CTNNA3: variants seen among roughly 807,000 people sequenced by gnomAD.
CTNNA3 encodes catenin alpha 3, also known as catenin alpha-3.
A neutral mutation model predicts 95.7 loss-of-function variants in CTNNA3; 76 were observed. The ratio of observed to expected loss-of-function variants is 0.79; its 90% CI spans 0.66 to 0.96. The LOEUF is 0.96. CTNNA3 is among the 40% of genes least tolerant of loss of function. CTNNA3 has a pLI of 0.00. For missense variants in CTNNA3, 1,191 were observed against 1,089.8 expected, an observed-to-expected ratio of 1.09 and a Z score of -1.31; for synonymous variants, 431 against 374.4, an observed-to-expected ratio of 1.15 and a Z score of -1.74.
intron 13 of CTNNA3, among the ~76,000 whole-genome samples, chr10:66,217,202 A>C (rs2131967738): frequency 6.6e-6 from 1 of 152,138 alleles, no homozygotes; most frequent in Non-Finnish European, 1.5e-5. Flanking sequence ...AAAAATACAA[A>C]AATTAGCTGG....
chr10:67,091,177 C>T (rs1308898244), intron 7 of CTNNA3, among the ~76,000 whole-genome samples: 2 of 151,844 alleles, frequency 1.3e-5, no homozygotes, highest in African/African-American at 4.8e-5. Context: ...TTGCGCATAC[C>T]TTAGCAAAAC....
At chr10:66,349,458 G>C (rs1564888022) in intron 12 of CTNNA3, among the ~76,000 whole-genome samples, 1 of 152,044 alleles carries the variant, frequency 6.6e-6, no homozygotes, top group Non-Finnish European at 1.5e-5. Context: ...TGAGAACTTT[G>C]TTGAAATATT....
intron 3 of CTNNA3, among the ~76,000 whole-genome samples, chr10:67,544,562 T>C (rs1472045568): frequency 6.6e-6 from 1 of 152,150 alleles, no homozygotes; most frequent in East Asian, 1.9e-4. Context: ...GAAAGAACAC[T>C]GATAATCTGC....
intron 13 of CTNNA3, among the ~76,000 whole-genome samples, chr10:66,187,818 T>C (rs1346097239): frequency 6.6e-6 from 1 of 151,904 alleles, no homozygotes; most frequent in Non-Finnish European, 1.5e-5. Flanking sequence ...AGTTAGCAAA[T>C]TATATTATTT....
intron 5 of CTNNA3, among the ~76,000 whole-genome samples, chr10:67,460,817 G>T (rs1283512289): frequency 6.6e-6 from 1 of 152,028 alleles, no homozygotes; most frequent in Non-Finnish European, 1.5e-5. Flanking sequence ...AGAAAAAAGA[G>T]AAATGAAAAT....
chr10:67,241,285 T>C (rs1366758760), intron 5 of CTNNA3, among the ~76,000 whole-genome samples: 2 of 152,050 alleles, frequency 1.3e-5, no homozygotes, highest in Admixed American at 6.6e-5. Flanking sequence ...TAGTTGGGCA[T>C]GGTGGTGTGC....
intron 5 of CTNNA3, among the ~76,000 whole-genome samples, chr10:67,469,401 C>T (rs531992702): frequency 4.6e-5 from 7 of 152,200 alleles, no homozygotes; most frequent in Admixed American, 1.3e-4. Context: ...CTCTGAAAAA[C>T]ATATGCATGT....
At chr10:66,391,325 GAA>G (rs2092932214) in intron 11 of CTNNA3, among the ~76,000 whole-genome samples, 1 of 151,980 alleles carries the variant, frequency 6.6e-6, no homozygotes, top group Admixed American at 6.6e-5. Flanking sequence ...CGAAAAAAAA[GAA>G]AGTCATTGAA....
At chr10:66,907,047 G>C (rs1054859969) in intron 7 of CTNNA3, among the ~76,000 whole-genome samples, 13 of 152,088 alleles carry the variant, frequency 8.5e-5, no homozygotes, top group Non-Finnish European at 1.5e-4. Context: ...CTGAGGTTTT[G>C]ATCAGGCTGC....
intron 17 of CTNNA3, among the ~76,000 whole-genome samples, chr10:65,956,205 G>C (rs1159242365): frequency 6.6e-6 from 1 of 152,152 alleles, no homozygotes. Context: ...TCTGATGGTA[G>C]TTTGTACTTC....
At chr10:66,734,824 C>T (rs996925353) in intron 9 of CTNNA3, among the ~76,000 whole-genome samples, 1 of 149,388 alleles carries the variant, frequency 6.7e-6, no homozygotes, top group Admixed American at 6.7e-5. Flanking sequence ...GACTGTGCCA[C>T]TGCACTCCAG....
intron 9 of CTNNA3, among the ~76,000 whole-genome samples, chr10:66,730,337 A>T (rs563885427): frequency 6.6e-6 from 1 of 152,302 alleles, no homozygotes; most frequent in African/African-American, 2.4e-5. Flanking sequence ...ATGCTCAGCA[A>T]ACTAACGAAG....
intron 15 of CTNNA3, among the ~76,000 whole-genome samples, chr10:66,032,070 C>T (rs1240232990): frequency 1.3e-5 from 2 of 152,100 alleles, no homozygotes; most frequent in Admixed American, 6.5e-5. Context: ...AACAGCTAAA[C>T]ATAAAAGTAG....
intron 1 of CTNNA3, among the ~76,000 whole-genome samples, chr10:67,715,641 G>A (rs1419453585): frequency 1.3e-5 from 2 of 152,114 alleles, no homozygotes; most frequent in South Asian, 2.1e-4. Flanking sequence ...CTGGAAACTG[G>A]CAAGAATTAG....
At chr10:67,137,286 A>C (rs1860346462) in intron 7 of CTNNA3, among the ~76,000 whole-genome samples, 1 of 142,698 alleles carries the variant, frequency 7.0e-6, no homozygotes, top group Admixed American at 7.1e-5. Context: ...GTCATAAGAA[A>C]ATGATTTTGT....
In CTNNA3 at chr10:66,556,905, G is replaced by T. The variant is rs375991902; in HGVS notation, c.1375-36132C>A. Among the ~76,000 whole-genome samples the T allele has an allele frequency of 1.6e-4, 24 of 152,148 alleles. No homozygotes were observed. The East Asian group carries it at 3.1e-3, about 20-fold the overall frequency. ...GGAAAACCAATGGTAACTATCTGAA[G>T]AGAAAGATCTGTTAATTCACTTGAC... On this transcript the variant is annotated intron_variant, in intron 10 of 17. Coordinates refer to ENST00000433211, the MANE Select transcript of CTNNA3 (RefSeq NM_013266.4).
intron 5 of CTNNA3, among the ~76,000 whole-genome samples, chr10:67,355,926 A>G (rs1478149959): frequency 6.6e-6 from 1 of 151,910 alleles, no homozygotes; most frequent in Non-Finnish European, 1.5e-5. Flanking sequence ...CCTCCACACC[A>G]TCATCTACAG....
intron 5 of CTNNA3, among the ~76,000 whole-genome samples, chr10:67,330,841 C>T (rs1042372390): frequency 1.3e-5 from 2 of 152,202 alleles, no homozygotes; most frequent in Admixed American, 6.5e-5. Context: ...AAGTAAAATA[C>T]GGATAAAGGA....
At chr10:66,776,418 A>G (rs549208368) in intron 7 of CTNNA3, among the ~76,000 whole-genome samples, 1 of 152,294 alleles carries the variant, frequency 6.6e-6, no homozygotes, top group Admixed American at 6.5e-5. Context: ...GCACGAACTC[A>G]ATGAAAAAGG....
Sources: allele counts gnomAD v4.1 joint callset (sites outside exome capture counted in the v4.1 genomes callset), GRCh38; gene constraint gnomAD v4.1.1; transcripts MANE v1.5; gene names NCBI Gene and HGNC (gene_info 2026-07-23, HGNC 2026-07-21).